NUP37: variants seen among roughly 807,000 people sequenced by gnomAD.
The protein encoded by NUP37 is nucleoporin 37.
NUP37 carries 33 observed loss-of-function variants against 45.4 expected under a neutral mutation model. The observed-to-expected ratio is 0.73, with a 90% CI of 0.55 to 0.97. NUP37 has a LOEUF of 0.97. NUP37 is among the 50% of genes least tolerant of loss of function. The probability of loss-of-function intolerance (pLI) is 0.00; values close to 1 mark genes in which losing one functional copy is unlikely to be tolerated. For synonymous variants in NUP37, 127 were observed against 130.7 expected, an observed-to-expected ratio of 0.97 and a Z score of 0.19; for missense variants, 365 against 389.7, an observed-to-expected ratio of 0.94 and a Z score of 0.53.
chr12:102,108,860 T>A (rs992309326), intron 3 of NUP37, among the ~76,000 whole-genome samples: 1 of 152,192 alleles, frequency 6.6e-6, no homozygotes, highest in African/African-American at 2.4e-5. Context: ...GTTCAAAATG[T>A]CATCTCTAAA....
intron 2 of NUP37, among the ~76,000 whole-genome samples, chr12:102,113,001 A>C (rs1367602374): frequency 1.3e-5 from 2 of 152,248 alleles, no homozygotes; most frequent in Non-Finnish European, 2.9e-5. Flanking sequence ...CAGCCCTACT[A>C]AAATGATTTC....
intron 2 of NUP37, among the ~76,000 whole-genome samples, chr12:102,113,726 G>C (rs890744913): frequency 6.6e-6 from 1 of 152,050 alleles, no homozygotes; most frequent in Non-Finnish European, 1.5e-5. Context: ...AAATCCAGCA[G>C]GTGAAACTTG....
In NUP37 at chr12:102,074,315, A is replaced by C. The variant is rs1879107299; in HGVS notation, c.*39T>G. 7.8e-7 allele frequency: 1 copy of C among 1,281,598 alleles called. No homozygotes were observed. Among genetic ancestry groups the C allele is most frequent in the African/African-American group, 1.5e-5 (1 of 67,514 alleles). 79.4% of individuals were successfully genotyped at this position (1,281,598 alleles called of 1,614,324 possible). ...TAGAAATTCTTCAAAATATGTACTA[A>C]AAATACAAAGTTTGTGAATCTAAGG... On this transcript the variant is annotated 3_prime_UTR_variant, in exon 10 of 10. Transcript: ENST00000552283.
intron 3 of NUP37, 100 bp downstream of exon 3, chr12:102,112,008 A>G: frequency 1.8e-6 from 2 of 1,129,846 alleles, no homozygotes; most frequent in Non-Finnish European, 2.6e-6. Flanking sequence ...GGATTGTGGA[A>G]AATGGAAATT....
chr12:102,073,905 G>C lies in NUP37; in HGVS notation c.*449C>G, dbSNP rs1221580665. 6.6e-6 allele frequency: 1 copy of C among 152,186 alleles called. No homozygotes were observed. The highest frequency in any genetic ancestry group is 1.5e-5 in the Non-Finnish European group (1 of 68,166). 9.4% of individuals were successfully genotyped at this position (152,186 alleles called of 1,614,324 possible). The stretch of plus-strand genomic sequence containing the variant: ...GTTGGTCTTGAACTCCTCACCTCAA[G>C]TGATCCACTCCCTTCAGCCTCCCAA... On this transcript the variant is annotated 3_prime_UTR_variant, in exon 10 of 10. Coordinates refer to ENST00000552283, the MANE Select transcript of NUP37 (RefSeq NM_024057.4).
intron 7 of NUP37, 106 bp downstream of exon 7, chr12:102,077,216 C>G (rs745633246): frequency 2.6e-6 from 3 of 1,172,858 alleles, no homozygotes; most frequent in Admixed American, 1.8e-5. Context: ...GACTTGCTTT[C>G]GCTTGACAGC....
At position 102,081,690 on chromosome 12, in the gene NUP37, G is replaced by C. The variant is rs1438559842; in HGVS notation, c.540+4076C>G. ...AATAGAAAGCATTCAACAAATGTTG[G>C]CTGTTAAACCTATTTCATTTAGCTA... On this transcript the variant is annotated intron_variant, in intron 6 of 9. Transcript: ENST00000552283. Among the ~76,000 whole-genome samples the C allele has an allele frequency of 2.6e-5, 4 of 152,174 alleles. No homozygotes were observed. In the South Asian group the frequency reaches 8.3e-4, roughly 32 times the overall value.
At chr12:102,076,986 G>A (rs558385703) in intron 7 of NUP37, 139 bp from the exon 8 acceptor site, 1 of 656,712 alleles carries the variant, frequency 1.5e-6, no homozygotes, top group East Asian at 2.7e-5. Context: ...CAAGCAATCA[G>A]TTAAAACAGA....
At chr12:102,102,341 G>A (rs1160250297) in intron 3 of NUP37, among the ~76,000 whole-genome samples, 1 of 152,170 alleles carries the variant, frequency 6.6e-6, no homozygotes, top group African/African-American at 2.4e-5. Context: ...ACCAGGGAAT[G>A]ATTCTTTGTC....
intron 5 of NUP37, among the ~76,000 whole-genome samples, chr12:102,093,742 A>G (rs1879724971): frequency 6.6e-6 from 1 of 152,116 alleles, no homozygotes; most frequent in African/African-American, 2.4e-5. Flanking sequence ...CTCCTTTATC[A>G]TTCACATCAA....
At chr12:102,096,367 G>T (rs918798188) in intron 5 of NUP37, among the ~76,000 whole-genome samples, 1 of 152,060 alleles carries the variant, frequency 6.6e-6, no homozygotes, top group African/African-American at 2.4e-5. Context: ...AGGTACCTTT[G>T]TTCACAGTAC....
chr12:102,098,695 C>T (rs1483525465), intron 5 of NUP37, among the ~76,000 whole-genome samples: 1 of 152,106 alleles, frequency 6.6e-6, no homozygotes, highest in Non-Finnish European at 1.5e-5. Context: ...CCGTGCCTGG[C>T]TAATTTTTGT....
intron 3 of NUP37, among the ~76,000 whole-genome samples, chr12:102,103,032 C>A (rs978949028): frequency 7.2e-6 from 1 of 139,676 alleles, no homozygotes; most frequent in Non-Finnish European, 1.5e-5. Flanking sequence ...TGTGATGCCT[C>A]CGGGTTTGTT....
intron 2 of NUP37, among the ~76,000 whole-genome samples, chr12:102,114,913 T>C (rs547813531): frequency 1.2e-4 from 18 of 152,350 alleles, no homozygotes; most frequent in Non-Finnish European, 2.1e-4. Context: ...CTACTCATTA[T>C]TCCACGTTCC....
chr12:102,075,261 A>G (rs1244552304), intron 8 of NUP37, among the ~76,000 whole-genome samples, 167 bp from the exon 9 acceptor site: 1 of 152,006 alleles, frequency 6.6e-6, no homozygotes, highest in Non-Finnish European at 1.5e-5. Context: ...CTGTAGCCTC[A>G]AATTCCTGGG....
At chr12:102,102,856 C>T (rs1880014339) in intron 3 of NUP37, among the ~76,000 whole-genome samples, 1 of 152,140 alleles carries the variant, frequency 6.6e-6, no homozygotes, top group Non-Finnish European at 1.5e-5. Flanking sequence ...AAGACACTGT[C>T]CTTTCTTCAT....
intron 3 of NUP37, among the ~76,000 whole-genome samples, chr12:102,105,601 C>T (rs986712731): frequency 3.3e-5 from 5 of 151,876 alleles, no homozygotes; most frequent in African/African-American, 7.3e-5. Flanking sequence ...CAGTGGCTCC[C>T]GCCTGTAATC....
chr12:102,094,737 T>A (rs1039748148), intron 5 of NUP37, among the ~76,000 whole-genome samples: 3 of 152,120 alleles, frequency 2.0e-5, no homozygotes, highest in Non-Finnish European at 4.4e-5. Flanking sequence ...TTCTAATATC[T>A]TATTCTTTAT....
chr12:102,120,038 C>CT lies in NUP37; in HGVS notation c.-66+11dup, dbSNP rs922230215. On this transcript the variant is annotated intron_variant, in intron 1 of 9. Coordinates refer to ENST00000552283, the MANE Select transcript of NUP37 (RefSeq NM_024057.4). ...GCATCCCGGCCTCTCGGGCTCCCAG[C>CT]TCGATACGCACCGCAGAGCGCCAGG... The CT allele has an allele frequency of 3.2e-5, 5 of 153,850 alleles. No homozygotes were observed. The highest frequency in any genetic ancestry group is 1.2e-4 in the African/African-American group (5 of 41,448). 9.5% of individuals were successfully genotyped at this position (153,850 alleles called of 1,614,324 possible). A position where few individuals can be genotyped will look rare whatever the true frequency, so the allele number is the denominator to read the frequency against.
Sources: gnomAD v4.1 joint callset for allele counts (sites outside exome capture counted in the v4.1 genomes callset) on GRCh38, gnomAD v4.1.1 for gene constraint, MANE v1.5 for transcripts, NCBI Gene and HGNC (gene_info 2026-07-23, HGNC 2026-07-21) for gene names.